The following OR51B5 variants were observed in gnomAD, a reference collection of about 807,000 sequenced individuals.
OR51B5 encodes olfactory receptor family 51 subfamily B member 5.
For synonymous variants in OR51B5, 186 were observed against 144.8 expected (o/e 1.28, Z -2.04); for missense variants, 456 against 374.6 (o/e 1.22, Z -1.79).
intron 1 of OR51B5, chr11:5,441,635 T>C (rs986722697): frequency 2.7e-6 from 2 of 740,100 alleles, no homozygotes; most frequent in Admixed American, 2.7e-5. Flanking sequence ...CCTGTATTCC[T>C]GCCTTCCCAG....
exon 1 of OR51B5, chr11:5,342,955 G>A (rs1848922795): frequency 6.2e-7 from 1 of 1,613,556 alleles, no homozygotes; most frequent in Admixed American, 1.7e-5. Flanking sequence ...GGTTGAAGGT[G>A]GTATCAGCAC....
At chr11:5,406,086 A>T (rs1189493368) in intron 1 of OR51B5, among the ~76,000 whole-genome samples, 1 of 152,212 alleles carries the variant, frequency 6.6e-6, no homozygotes, top group Non-Finnish European at 1.5e-5. Context: ...TTAGGACCAG[A>T]TTGTTAAATG....
At chr11:5,431,819 A>C (rs1438716596) in intron 1 of OR51B5, among the ~76,000 whole-genome samples, 1 of 152,184 alleles carries the variant, frequency 6.6e-6, no homozygotes, top group Non-Finnish European at 1.5e-5. Flanking sequence ...CAGAATCCTA[A>C]ATGTTACTTG....
intron 1 of OR51B5, among the ~76,000 whole-genome samples, chr11:5,474,605 T>A (rs1590017821): frequency 6.6e-6 from 1 of 152,198 alleles, no homozygotes; most frequent in African/African-American, 2.4e-5. Context: ...CCCAGAAATA[T>A]AATCATGATA....
In OR51B5 at chr11:5,420,445, A is replaced by G. The variant is rs1318037900; in HGVS notation, n.85-73535T>C. On this transcript the variant is annotated intron_variant and non_coding_transcript_variant, in intron 1 of 4. Transcript: ENST00000415970. ...TATTTCTTTTACTGTTAACTTTGTCATATAGTTTTTCTTAATCTATTGTAT... is the reference window on the plus strand; with the variant it reads ...TATTTCTTTTACTGTTAACTTTGTCGTATAGTTTTTCTTAATCTATTGTAT... Among the ~76,000 whole-genome samples the G allele has an allele frequency of 2.0e-5, 3 of 152,000 alleles. 1 individual carries two copies. Among genetic ancestry groups the G allele is most frequent in the Non-Finnish European group, 2.9e-5 (2 of 67,970 alleles).
intron 1 of OR51B5, among the ~76,000 whole-genome samples, chr11:5,380,847 G>T (rs1297199776): frequency 1.3e-5 from 2 of 152,138 alleles, no homozygotes; most frequent in Non-Finnish European, 1.5e-5. Context: ...GGTGGTGCTG[G>T]AAGAAAAGCC....
chr11:5,471,744 G>C (rs1184349111), intron 1 of OR51B5, among the ~76,000 whole-genome samples: 2 of 151,942 alleles, frequency 1.3e-5, no homozygotes, highest in African/African-American at 4.8e-5. Context: ...AGTAAAAATA[G>C]CTCCCCTAGC....
intron 1 of OR51B5, among the ~76,000 whole-genome samples, chr11:5,475,889 A>C (rs1851298110): frequency 6.8e-6 from 1 of 146,934 alleles, no homozygotes; most frequent in African/African-American, 2.5e-5. Context: ...GCATACACCT[A>C]TTCAACCTAT....
chr11:5,345,437 TATATTAAAA>T (rs1331298942), upstream of OR51B5, among the ~76,000 whole-genome samples: 1 of 152,098 alleles, frequency 6.6e-6, no homozygotes, highest in Non-Finnish European at 1.5e-5. Context: ...GATTTGCTGA[TATATTAAAA>T]ATGGGAGTGA....
At chr11:5,429,522 C>A (rs116130798) in intron 1 of OR51B5, among the ~76,000 whole-genome samples, 2,286 of 152,226 alleles carry the variant, frequency 0.015, 48 homozygotes, top group African/African-American at 0.049. Flanking sequence ...TCAATCAGCA[C>A]AGTTCCATAA....
exon 1 of OR51B5, chr11:5,342,886 G>A (rs1848920563): frequency 6.2e-7 from 1 of 1,613,594 alleles, no homozygotes; most frequent in Non-Finnish European, 8.5e-7. Flanking sequence ...CATAGGAGAT[G>A]AAGATAATCA....
intron 1 of OR51B5, among the ~76,000 whole-genome samples, chr11:5,426,629 T>C (rs982321498): frequency 6.6e-6 from 1 of 151,756 alleles, no homozygotes; most frequent in African/African-American, 2.4e-5. Flanking sequence ...CTAATACATG[T>C]GTTAGGGCAC....
chr11:5,499,837 G>A (rs1474958507), intron 1 of OR51B5, among the ~76,000 whole-genome samples: 1 of 152,100 alleles, frequency 6.6e-6, no homozygotes, highest in African/African-American at 2.4e-5. Flanking sequence ...ACCACCCACT[G>A]CCAACTTAAC....
chr11:5,374,750 A>G (rs113036781), intron 1 of OR51B5, among the ~76,000 whole-genome samples: 40,965 of 151,788 alleles, frequency 0.27, 5,752 homozygotes, highest in African/African-American at 0.33. Context: ...AAGATGAAAT[A>G]AATGAAATGA....
At chr11:5,400,065 C>T (rs903723576) in intron 1 of OR51B5, among the ~76,000 whole-genome samples, 10 of 152,066 alleles carry the variant, frequency 6.6e-5, no homozygotes, top group African/African-American at 9.7e-5. Context: ...AACATAAGGG[C>T]ATAAGAATGC....
chr11:5,393,132 T>G (rs952500859), intron 1 of OR51B5: 5 of 152,210 alleles, frequency 3.3e-5, no homozygotes, highest in Admixed American at 6.5e-5. Flanking sequence ...GGATGTAAGC[T>G]GTTTGTGGCA....
intron 1 of OR51B5, among the ~76,000 whole-genome samples, chr11:5,473,323 T>G (rs1234468862): frequency 6.6e-6 from 1 of 152,172 alleles, no homozygotes; most frequent in Non-Finnish European, 1.5e-5. Context: ...GGTCTTAAAT[T>G]TTGTAAAAGG....
chr11:5,476,454 G>A (rs1851307756), intron 1 of OR51B5, among the ~76,000 whole-genome samples: 5 of 152,100 alleles, frequency 3.3e-5, no homozygotes, highest in Admixed American at 2.6e-4. Flanking sequence ...ATACTCCAAG[G>A]ATTCCCTTCC....
intron 1 of OR51B5, among the ~76,000 whole-genome samples, chr11:5,368,780 G>C (rs1300341637): frequency 2.0e-5 from 3 of 152,142 alleles, no homozygotes; most frequent in African/African-American, 7.2e-5. Flanking sequence ...CCTCAGCATA[G>C]GCCTTCTGAA....
Sources: allele counts gnomAD v4.1 joint callset (sites outside exome capture counted in the v4.1 genomes callset), GRCh38; gene constraint gnomAD v4.1.1; transcripts MANE v1.5; gene names NCBI Gene and HGNC (gene_info 2026-07-23, HGNC 2026-07-21).